NAV2: variants seen among roughly 807,000 people sequenced by gnomAD.
The protein encoded by NAV2 is helicase, APC down-regulated 1.
Under a neutral mutation model 223.2 loss-of-function variants are expected in NAV2, and 54 were observed. That is an observed-to-expected ratio of 0.24 (90% confidence interval 0.19 to 0.30). The LOEUF is 0.30. Ranked by LOEUF, NAV2 falls within the 10% of genes least tolerant of loss-of-function variation. NAV2 has a pLI of 1.00. For synonymous variants in NAV2, 1,279 were observed against 1,239.3 expected (o/e 1.03, Z -0.67); for missense variants, 2,806 against 3,147.5 (o/e 0.89, Z 2.60).
At chr11:19,738,975 A>G (rs2052567617) in intron 1 of NAV2, among the ~76,000 whole-genome samples, 1 of 152,090 alleles carries the variant, frequency 6.6e-6, no homozygotes, top group Admixed American at 6.5e-5. Flanking sequence ...AGAAACATAT[A>G]CAAATCACTA....
intron 3 of NAV2, among the ~76,000 whole-genome samples, chr11:19,849,108 A>G (rs776016832): frequency 6.6e-6 from 1 of 152,176 alleles, no homozygotes; most frequent in Non-Finnish European, 1.5e-5. Context: ...AAACAGCCCT[A>G]TGATAAAGAT....
intron 1 of NAV2, among the ~76,000 whole-genome samples, chr11:19,813,600 ACAT>A (rs2058947511): frequency 6.6e-6 from 1 of 152,180 alleles, no homozygotes; most frequent in East Asian, 1.9e-4. Flanking sequence ...GGTTGGGGTA[ACAT>A]AAGCTGCCGC....
intron 1 of NAV2, among the ~76,000 whole-genome samples, chr11:19,493,506 A>G (rs2042697278): frequency 6.6e-6 from 1 of 152,200 alleles, no homozygotes; most frequent in Admixed American, 6.5e-5. Flanking sequence ...ATTTATGATT[A>G]AACATGATTT....
At chr11:19,814,701 G>A (rs1272358202) in intron 1 of NAV2, among the ~76,000 whole-genome samples, 2 of 152,114 alleles carry the variant, frequency 1.3e-5, no homozygotes, top group East Asian at 3.9e-4. Context: ...CTGAGCTTAA[G>A]CAATCCTCCT....
rs780730173 is a variant in NAV2, at chr11:20,056,523, T to G, written c.4831+566T>G. 8 of 1,599,170 alleles carry G rather than the reference T, an allele frequency of 5.0e-6. No homozygotes were observed. In the East Asian group the frequency reaches 1.8e-4, roughly 36 times the overall value. On this transcript the variant is annotated intron_variant, in intron 19 of 37. Coordinates refer to ENST00000349880, the MANE Select transcript of NAV2 (RefSeq NM_145117.5). ...TTGGATTTTTATGTTTGGTTCATTT[T>G]AATCAGAATCATGGGAGAAAAGTTC... is the stretch of plus-strand genomic sequence containing the variant.
At chr11:19,460,261 A>C (rs1431913148) in intron 1 of NAV2, among the ~76,000 whole-genome samples, 1 of 152,216 alleles carries the variant, frequency 6.6e-6, no homozygotes, top group Non-Finnish European at 1.5e-5. Context: ...CTGACTTAGA[A>C]AGAATGTGGG....
At chr11:19,655,596 A>T (rs1478227807) in intron 1 of NAV2, among the ~76,000 whole-genome samples, 1 of 152,230 alleles carries the variant, frequency 6.6e-6, no homozygotes, top group Non-Finnish European at 1.5e-5. Context: ...TTGTAGGGAC[A>T]TGGATGAAGC....
Position 19,933,167 on chromosome 11 carries a change from T to C in NAV2, c.932-9T>C. On this transcript the variant is annotated splice_polypyrimidine_tract_variant and intron_variant, in intron 6 of 37. Transcript: ENST00000349880. The surrounding 1 kb of genome is among the most constrained non-coding windows in gnomAD (Gnocchi z 4.3). The stretch of plus-strand genomic sequence containing the variant: ...TATGATTCAGGCCTCCTCTCTTCTG[T>C]CTCTGCAGAGCCTTTGGCAAGTTCA... The C allele has an allele frequency of 2.0e-6, 3 of 1,514,424 alleles. No individual in the cohort carries two copies. The highest frequency in any genetic ancestry group is 1.4e-5 in the African/African-American group (1 of 71,938). 93.8% of individuals were successfully genotyped at this position (1,514,424 alleles called of 1,614,324 possible).
chr11:19,921,722 G>A (rs762863678), intron 6 of NAV2, among the ~76,000 whole-genome samples: 1 of 152,092 alleles, frequency 6.6e-6, no homozygotes, highest in Non-Finnish European at 1.5e-5. Context: ...TAATCTGTTC[G>A]ATCTTGGGTA....
intron 1 of NAV2, among the ~76,000 whole-genome samples, chr11:19,677,098 C>T (rs150302239): frequency 6.6e-6 from 1 of 152,298 alleles, no homozygotes; most frequent in African/African-American, 2.4e-5. Context: ...ACTCCTTGTC[C>T]CTACAGGCCT....
At chr11:19,928,498 A>T (rs963646464) in intron 6 of NAV2, among the ~76,000 whole-genome samples, 3 of 152,128 alleles carry the variant, frequency 2.0e-5, no homozygotes, top group Admixed American at 1.3e-4. Flanking sequence ...AAAGGTTCAG[A>T]TATTTGAGGA....
rs528628697 is a variant in NAV2 at position 19,783,546 on chromosome 11, T to C, written c.268-48938T>C. 2.6e-5 allele frequency among the ~76,000 whole-genome samples: 4 copies of C among 152,306 alleles called. No individual in the cohort carries two copies. In the East Asian group the frequency reaches 7.7e-4, roughly 29 times the overall value. ...TGACAGGCAGTAGTATGAACCCTCG[T>C]CTGATTCTCTAAGTCCTTGAGCTGC... is the stretch of plus-strand genomic sequence containing the variant. On this transcript the variant is annotated intron_variant, in intron 1 of 37. Coordinates refer to ENST00000349880, the MANE Select transcript of NAV2 (RefSeq NM_145117.5).
intron 1 of NAV2, among the ~76,000 whole-genome samples, chr11:19,471,119 T>G (rs1213789511): frequency 1.3e-5 from 2 of 152,180 alleles, no homozygotes; most frequent in African/African-American, 4.8e-5. Flanking sequence ...CTTCTGTGCC[T>G]TTCCACAAAT....
intron 19 of NAV2, among the ~76,000 whole-genome samples, chr11:20,058,554 A>G (rs1381591681): frequency 1.3e-5 from 2 of 152,248 alleles, no homozygotes; most frequent in Non-Finnish European, 2.9e-5. Context: ...CTAAGAGCTA[A>G]TGCAGTGAAA....
At chr11:19,512,916 T>G (rs1244531058) in intron 1 of NAV2, among the ~76,000 whole-genome samples, 1 of 152,198 alleles carries the variant, frequency 6.6e-6, no homozygotes, top group Non-Finnish European at 1.5e-5. Context: ...TGTAAAGAAG[T>G]AAAATAGTGA....
At chr11:19,380,311 C>T (rs944715414) in intron 1 of NAV2, among the ~76,000 whole-genome samples, 2 of 152,154 alleles carry the variant, frequency 1.3e-5, no homozygotes, top group African/African-American at 4.8e-5. Context: ...ACTGCTGTTC[C>T]CTTGCATTAG....
intron 1 of NAV2, among the ~76,000 whole-genome samples, chr11:19,667,599 A>G (rs533746313): frequency 6.6e-6 from 1 of 152,320 alleles, no homozygotes; most frequent in African/African-American, 2.4e-5. Flanking sequence ...CCTAGAACAT[A>G]ATAATAGGTG....
intron 3 of NAV2, among the ~76,000 whole-genome samples, chr11:19,864,448 T>C (rs1823543596): frequency 6.6e-6 from 1 of 152,228 alleles, no homozygotes; most frequent in Non-Finnish European, 1.5e-5. Context: ...CTTCCGAGGT[T>C]TGCATATTTT....
At chr11:19,400,030 A>G (rs1191666657) in intron 1 of NAV2, among the ~76,000 whole-genome samples, 1 of 152,240 alleles carries the variant, frequency 6.6e-6, no homozygotes, top group Non-Finnish European at 1.5e-5. Flanking sequence ...ATGGGAAAGA[A>G]TGAAGAGGTA....
Sources: gnomAD v4.1 joint callset for allele counts (sites outside exome capture counted in the v4.1 genomes callset) on GRCh38, gnomAD v4.1.1 for gene constraint, Gnocchi (gnomAD v3.1) non-coding constraint, MANE v1.5 for transcripts, NCBI Gene and HGNC (gene_info 2026-07-23, HGNC 2026-07-21) for gene names.